Variants in LINGO2 observed in about 807,000 individuals in gnomAD.
LINGO2 encodes leucine rich repeat and Ig domain containing 2.
LINGO2 carries 14 observed loss-of-function variants against 30.6 expected under a neutral mutation model. That is an observed-to-expected ratio of 0.46 (90% CI 0.30 to 0.72). The LOEUF is 0.72. Among genes scored for constraint, LINGO2 ranks in the 30% least tolerant of loss-of-function variants. The pLI is 0.07. For missense variants in LINGO2, 729 were observed against 751.7 expected (o/e 0.97, Z 0.35); for synonymous variants, 317 against 288.5 (o/e 1.10, Z -1.00).
At chr9:28,739,932 A>G in the LINGO2 span, among the ~76,000 whole-genome samples, 1 of 136,896 alleles carries the variant, frequency 7.3e-6, no homozygotes, top group African/African-American at 2.9e-5. Context: ...ACATATATAT[A>G]TGTGTGTATA....
At chr9:28,476,878 T>C (rs918854122) in intron 1 of LINGO2, among the ~76,000 whole-genome samples, 2 of 152,186 alleles carry the variant, frequency 1.3e-5, no homozygotes, top group Non-Finnish European at 2.9e-5. Flanking sequence ...TTAAATCCAA[T>C]CAGTTAAAAA....
At chr9:28,088,635 G>A (rs1825983582) in intron 4 of LINGO2, among the ~76,000 whole-genome samples, 1 of 151,616 alleles carries the variant, frequency 6.6e-6, no homozygotes, top group South Asian at 2.1e-4. Flanking sequence ...TTAAGACCAA[G>A]CATGAAGAAA....
chr9:29,144,015 T>C, the LINGO2 span, among the ~76,000 whole-genome samples: 1 of 152,182 alleles, frequency 6.6e-6, no homozygotes, highest in Non-Finnish European at 1.5e-5. Flanking sequence ...GCACCATTTA[T>C]TAAATAGAGA....
intron 2 of LINGO2, among the ~76,000 whole-genome samples, chr9:28,417,818 G>A (rs1433207884): frequency 6.6e-6 from 1 of 152,150 alleles, no homozygotes; most frequent in Non-Finnish European, 1.5e-5. Context: ...TATCTTGAAA[G>A]TAAAGACTCA....
chr9:28,193,782 T>C (rs2133786792), intron 4 of LINGO2, among the ~76,000 whole-genome samples: 1 of 152,228 alleles, frequency 6.6e-6, no homozygotes, highest in African/African-American at 2.4e-5. Flanking sequence ...CTCGTGTGAG[T>C]CCATTCATGT....
chr9:28,771,910 T>A, the LINGO2 span, among the ~76,000 whole-genome samples: 1 of 152,298 alleles, frequency 6.6e-6, no homozygotes, highest in Non-Finnish European at 1.5e-5. Flanking sequence ...ACAGCATTTA[T>A]CACATTTTAT....
chr9:29,195,797 A>C, the LINGO2 span, among the ~76,000 whole-genome samples: 1 of 152,132 alleles, frequency 6.6e-6, no homozygotes, highest in Non-Finnish European at 1.5e-5. Flanking sequence ...GAGAATATCA[A>C]TTGCTTTGCA....
At chr9:28,675,572 A>G in the LINGO2 span, among the ~76,000 whole-genome samples, 1 of 152,022 alleles carries the variant, frequency 6.6e-6, no homozygotes, top group Non-Finnish European at 1.5e-5. Flanking sequence ...TAAATATACA[A>G]AAGTTTATAA....
the LINGO2 span, among the ~76,000 whole-genome samples, chr9:28,788,516 T>C: frequency 6.6e-6 from 1 of 152,324 alleles, no homozygotes; most frequent in Non-Finnish European, 1.5e-5. Context: ...CGTGTATTAG[T>C]ACATTTTCAT....
intron 4 of LINGO2, among the ~76,000 whole-genome samples, chr9:28,099,277 A>G (rs1371696066): frequency 6.6e-6 from 1 of 152,198 alleles, no homozygotes; most frequent in African/African-American, 2.4e-5. Context: ...TAAAGTGCCA[A>G]TTCACGGATT....
the LINGO2 span, among the ~76,000 whole-genome samples, chr9:29,101,478 GGCCTGT>G: frequency 4.7e-4 from 71 of 152,132 alleles, no homozygotes; most frequent in East Asian, 0.012. Flanking sequence ...ATAGAAGGTA[GGCCTGT>G]AGGCCTTTTT....
the LINGO2 span, among the ~76,000 whole-genome samples, chr9:29,075,672 T>C: frequency 1.3e-5 from 2 of 152,122 alleles, no homozygotes; most frequent in Non-Finnish European, 2.9e-5. Flanking sequence ...AAAATCCTGG[T>C]GTTTTAAGAG....
intron 1 of LINGO2, among the ~76,000 whole-genome samples, chr9:28,611,870 G>T (rs1825933113): frequency 6.6e-6 from 1 of 151,614 alleles, no homozygotes; most frequent in Admixed American, 6.6e-5. Context: ...GCCCAGGCTG[G>T]AGTGCAGTGG....
the LINGO2 span, among the ~76,000 whole-genome samples, chr9:29,143,154 TA>T: frequency 6.6e-6 from 1 of 151,992 alleles, no homozygotes; most frequent in East Asian, 1.9e-4. Context: ...AACATACAAA[TA>T]AGTGGAAGTC....
chr9:28,057,592 CATATATATACACATATATGTATAT>C (rs1824994174), intron 4 of LINGO2, among the ~76,000 whole-genome samples: 1 of 145,598 alleles, frequency 6.9e-6, no homozygotes, highest in Non-Finnish European at 1.5e-5. Context: ...TATGTATATA[CATATATATACACATATATGTATAT>C]ACATATATAT....
intron 1 of LINGO2, among the ~76,000 whole-genome samples, chr9:28,599,472 A>G (rs955430643): frequency 6.6e-6 from 1 of 152,140 alleles, no homozygotes; most frequent in African/African-American, 2.4e-5. Context: ...CTTGTTAAAT[A>G]GATGTTTGAA....
At chr9:28,268,044 G>A (rs1403730865) in intron 4 of LINGO2, among the ~76,000 whole-genome samples, 1 of 151,978 alleles carries the variant, frequency 6.6e-6, no homozygotes, top group East Asian at 1.9e-4. Context: ...ACTATTTAAA[G>A]GTCAATATCA....
intron 4 of LINGO2, among the ~76,000 whole-genome samples, chr9:28,212,195 G>A (rs923496179): frequency 6.6e-6 from 1 of 151,436 alleles, no homozygotes; most frequent in Non-Finnish European, 1.5e-5. Flanking sequence ...AAGTCAATAT[G>A]TATGAAGACA....
chr9:28,312,740 G>A (rs1824680592), intron 3 of LINGO2, among the ~76,000 whole-genome samples: 1 of 152,078 alleles, frequency 6.6e-6, no homozygotes, highest in South Asian at 2.1e-4. Flanking sequence ...ATGCCAACAT[G>A]AAATAAAATC....
Sources: gnomAD v4.1 joint callset for allele counts (sites outside exome capture counted in the v4.1 genomes callset) on GRCh38, gnomAD v4.1.1 for gene constraint, MANE v1.5 for transcripts, NCBI Gene and HGNC (gene_info 2026-07-23, HGNC 2026-07-21) for gene names.